Variants in PPM1H observed in about 807,000 individuals in gnomAD.
The protein encoded by PPM1H is protein phosphatase 1H.
A neutral mutation model predicts 54.9 loss-of-function variants in PPM1H; 27 were observed. The ratio of observed to expected loss-of-function variants is 0.49; its 90% CI spans 0.36 to 0.68. PPM1H has a LOEUF of 0.68. Ranked by LOEUF, PPM1H falls within the 30% of genes least tolerant of loss-of-function variation. PPM1H has a pLI of 0.00. For synonymous variants in PPM1H, 305 were observed against 270.8 expected (o/e 1.13, Z -1.24); for missense variants, 596 against 667.8 (o/e 0.89, Z 1.19).
In PPM1H at chr12:62,663,992, C is replaced by CA. The variant is rs66772973; in HGVS notation, c.1397+3185dup. On this transcript the variant is annotated intron_variant, in intron 9 of 9. Transcript: ENST00000228705. ...GGGCAACAAGAGCGAAACTCCATCT[C>CA]AAAAAAAAAAAAAAAAATTATTCTG... 6.6e-4 allele frequency among the ~76,000 whole-genome samples: 92 copies of CA among 139,876 alleles called. 1 individual carries two copies. The highest frequency in any genetic ancestry group is 3.5e-3 in the South Asian group (15 of 4,318). The allele number at this position is 139,876 out of a possible 152,430, so 91.8% of individuals were successfully genotyped here.
At chr12:62,858,720 A>C (rs1256372355) in intron 1 of PPM1H, among the ~76,000 whole-genome samples, 1 of 152,224 alleles carries the variant, frequency 6.6e-6, no homozygotes, top group East Asian at 1.9e-4. Context: ...AAATCTTCTT[A>C]AGGCTTTAAG....
At chr12:62,786,807 C>A (rs1592598474) in intron 4 of PPM1H, among the ~76,000 whole-genome samples, 1 of 152,314 alleles carries the variant, frequency 6.6e-6, no homozygotes, top group Middle Eastern at 3.4e-3. Flanking sequence ...ATTTACTGGG[C>A]AGAATTTTAC....
intron 4 of PPM1H, among the ~76,000 whole-genome samples, chr12:62,779,382 T>C (rs1313747054): frequency 6.6e-6 from 1 of 152,174 alleles, no homozygotes; most frequent in Non-Finnish European, 1.5e-5. Context: ...TTGAAAAACT[T>C]AGCACAACAT....
chr12:62,931,763 G>A (rs1234419247), intron 1 of PPM1H, among the ~76,000 whole-genome samples: 3 of 152,148 alleles, frequency 2.0e-5, no homozygotes, highest in South Asian at 2.1e-4. Context: ...ACCTCATTAG[G>A]CTTTTATGAA....
At position 62,934,624 on chromosome 12, in the gene PPM1H, C is replaced by G; in HGVS notation, c.113G>C (p.Arg38Pro). The change falls in exon 1 of 10, where the codon CGT (arginine) becomes CCT (proline). Residue 38 changes from arginine to proline, a missense_variant. Physicochemically the swap from Arg to Pro is moderately radical, Grantham distance 103. Transcript: ENST00000228705. This position sits in a 1 kb window ranked among gnomAD's most constrained non-coding sequence, Gnocchi z 4.2. ...GSCGGSDLPL[R>P]FPYGRPEFLG... ...GAACTCTGGCCGCCCGTAGGGGAAA[C>G]GCAGGGGCAGGTCCGAGCCTCCGCA... 2 of 1,590,924 alleles carry G rather than the reference C, an allele frequency of 1.3e-6. No individual in the cohort carries two copies. The highest frequency in any genetic ancestry group is 1.7e-6 in the Non-Finnish European group (2 of 1,169,968).
chr12:62,932,086 T>A (rs1020003239), intron 1 of PPM1H, among the ~76,000 whole-genome samples: 1 of 151,318 alleles, frequency 6.6e-6, no homozygotes, highest in Non-Finnish European at 1.5e-5. Context: ...GGCTGACTTT[T>A]TTTTTTTTTT....
At chr12:62,650,764 A>G (rs981657609) in intron 9 of PPM1H, among the ~76,000 whole-genome samples, 1 of 152,064 alleles carries the variant, frequency 6.6e-6, no homozygotes, top group African/African-American at 2.4e-5. Context: ...AAACCATCAG[A>G]TCTCGTAAGA....
chr12:62,801,906 G>T lies in PPM1H; in HGVS notation c.666C>A (p.Pro222=). ...LRGGVGAPGS[P]STPPTRFFTE... Reference sequence around the variant, plus strand: ...TAAAGAAGCGTGTGGGGGGCGTGCTGGGGGAGCCCGGGGCCCCCACCCCTC... The same window carrying T: ...TAAAGAAGCGTGTGGGGGGCGTGCTTGGGGAGCCCGGGGCCCCCACCCCTC... Residue 222 remains proline, a synonymous_variant, in exon 3 of 10, where the codon CCC becomes CCA. Coordinates refer to ENST00000228705, the MANE Select transcript of PPM1H (RefSeq NM_020700.2). 1 of 1,613,550 alleles carries T rather than the reference G, an allele frequency of 6.2e-7. No homozygotes were observed. Among genetic ancestry groups the T allele is most frequent in the African/African-American group, 1.3e-5 (1 of 75,052 alleles).
rs546164530 is a variant in PPM1H, at chr12:62,815,259, T to C, written c.412-13099A>G. The stretch of plus-strand genomic sequence containing the variant: ...AAAAAAATCCCTTAATTTCATATAC[T>C]TTAATGAATATGCTGCTTCCTTCTC... On this transcript the variant is annotated intron_variant, in intron 2 of 9. Transcript: ENST00000228705. Among the ~76,000 whole-genome samples, 13 of 152,290 alleles carry C rather than the reference T, an allele frequency of 8.5e-5. No individual in the cohort carries two copies. The South Asian group carries it at 1.0e-3, about 12-fold the overall frequency.
chr12:62,743,053 T>C (rs1339618831), intron 4 of PPM1H, among the ~76,000 whole-genome samples: 1 of 152,170 alleles, frequency 6.6e-6, no homozygotes, highest in African/African-American at 2.4e-5. Context: ...AGGACATTAA[T>C]AGTTTAAAAA....
At chr12:62,707,734 T>C (rs1341677298) in intron 6 of PPM1H, among the ~76,000 whole-genome samples, 1 of 152,240 alleles carries the variant, frequency 6.6e-6, no homozygotes, top group Non-Finnish European at 1.5e-5. Flanking sequence ...GGCCCTGTCC[T>C]GACACTAGAC....
At chr12:62,781,786 G>A (rs1236720461) in intron 4 of PPM1H, among the ~76,000 whole-genome samples, 3 of 152,206 alleles carry the variant, frequency 2.0e-5, no homozygotes, top group Admixed American at 2.0e-4. Flanking sequence ...GATGGCAAGT[G>A]GCCTGATGGG....
chr12:62,875,960 G>A (rs1870154426), intron 1 of PPM1H, among the ~76,000 whole-genome samples: 1 of 152,192 alleles, frequency 6.6e-6, no homozygotes, highest in South Asian at 2.1e-4. Flanking sequence ...CATGTCCACA[G>A]CATGCTAATG....
chr12:62,868,879 G>T (rs1038149245), intron 1 of PPM1H, among the ~76,000 whole-genome samples: 1 of 152,226 alleles, frequency 6.6e-6, no homozygotes, highest in Non-Finnish European at 1.5e-5. Context: ...CACTTAAGAA[G>T]CTGAGGTTCC....
chr12:62,734,761 G>A (rs1192745701), intron 5 of PPM1H, among the ~76,000 whole-genome samples: 1 of 152,186 alleles, frequency 6.6e-6, no homozygotes, highest in Non-Finnish European at 1.5e-5. Flanking sequence ...CAGGAGGTGG[G>A]CTGTGCATAG....
chr12:62,788,252 C>T lies in PPM1H; in HGVS notation c.843G>A (p.Leu281=). The T allele has an allele frequency of 2.5e-6, 4 of 1,598,416 alleles. No homozygotes were observed. The highest frequency in any genetic ancestry group is 1.1e-5 in the South Asian group (1 of 88,036). The part of the protein sequence containing the change: ...ALIVICLLGK[L]YVANAGDSRA... Reference sequence around the variant, plus strand: ...TGCTATCCCCAGCATTTGCAACATACAGCTTCCCCAAAAGGCAAATCACAA... The same window carrying T: ...TGCTATCCCCAGCATTTGCAACATATAGCTTCCCCAAAAGGCAAATCACAA... Residue 281 remains leucine, a synonymous_variant, in exon 4 of 10, where the codon CTG becomes CTA. Transcript: ENST00000228705.
chr12:62,712,684 T>G (rs1348424054), intron 6 of PPM1H, among the ~76,000 whole-genome samples: 1 of 152,216 alleles, frequency 6.6e-6, no homozygotes, highest in Non-Finnish European at 1.5e-5. Context: ...TGTTCAAAAA[T>G]GTAGGCTTTC....
chr12:62,916,930 A>T (rs1222893581), intron 1 of PPM1H, among the ~76,000 whole-genome samples: 1 of 151,666 alleles, frequency 6.6e-6, no homozygotes, highest in Non-Finnish European at 1.5e-5. Flanking sequence ...CTCTACTTAA[A>T]AAAAAAAAAA....
chr12:62,799,791 C>T (rs2076755777), intron 3 of PPM1H, among the ~76,000 whole-genome samples: 1 of 152,146 alleles, frequency 6.6e-6, no homozygotes, highest in African/African-American at 2.4e-5. Context: ...CTGTGTTGCA[C>T]AAGCTGGAAT....
Sources: gnomAD v4.1 joint callset for allele counts (sites outside exome capture counted in the v4.1 genomes callset) on GRCh38, gnomAD v4.1.1 for gene constraint, Gnocchi (gnomAD v3.1) non-coding constraint, MANE v1.5 for transcripts, NCBI Gene and HGNC (gene_info 2026-07-23, HGNC 2026-07-21) for gene names.